UNC80: variants seen among roughly 807,000 people sequenced by gnomAD.
The protein encoded by UNC80 is protein unc-80 homolog.
Under a neutral mutation model 384.6 loss-of-function variants are expected in UNC80, and 164 were observed. That is an observed-to-expected ratio of 0.43 (90% CI 0.38 to 0.49). UNC80 has a LOEUF of 0.49. UNC80 is among the 20% of genes least tolerant of loss of function. The probability of loss-of-function intolerance (pLI) is 0.00; values close to 1 mark genes in which losing one functional copy is unlikely to be tolerated. For missense variants in UNC80, 3,330 were observed against 4,143.0 expected (o/e 0.80, Z 5.39); for synonymous variants, 1,486 against 1,527.8 (o/e 0.97, Z 0.64).
chr2:209,989,400 T>G lies in UNC80; in HGVS notation c.9315-2766T>G, dbSNP rs185056053. ...GAAGTTGTCCCACTACTCTGACATATCTCGACATATAGTCTCAACTTTTCA... is the reference window on the plus strand; with the variant it reads ...GAAGTTGTCCCACTACTCTGACATAGCTCGACATATAGTCTCAACTTTTCA... On this transcript the variant is annotated intron_variant, in intron 61 of 64. Coordinates refer to ENST00000673920, the MANE Select transcript of UNC80 (RefSeq NM_001371986.1). 9.2e-5 allele frequency among the ~76,000 whole-genome samples: 14 copies of G among 152,212 alleles called. No homozygotes were observed. The East Asian group carries it at 2.7e-3, about 29-fold the overall frequency.
In UNC80 at chr2:209,993,407, A is replaced by G; in HGVS notation, c.9489A>G (p.Gln3163=). Residue 3163 remains glutamine (Q), a synonymous_variant, in exon 63 of 65, where the codon CAA becomes CAG. Coordinates refer to ENST00000673920, the MANE Select transcript of UNC80 (RefSeq NM_001371986.1). ...TGTCAACCACTCGCAGGAGCATTCAACCTAAAACGAAGCCGTCTGGTGAGG... is the reference window on the plus strand; with the variant it reads ...TGTCAACCACTCGCAGGAGCATTCAGCCTAAAACGAAGCCGTCTGGTGAGG... ...ARLSTTRRSI[Q]PKTKPSADQK... 1.3e-6 allele frequency: 2 copies of G among 1,551,620 alleles called. No homozygotes were observed. The highest frequency in any genetic ancestry group is 1.7e-6 in the Non-Finnish European group (2 of 1,146,940).
chr2:209,930,920 A>G lies in UNC80; in HGVS notation c.5908-48A>G, dbSNP rs1159250249. The G allele has an allele frequency of 5.3e-6, 7 of 1,330,390 alleles. No individual in the cohort carries two copies. In the African/African-American group the frequency reaches 5.9e-5, roughly 11 times the overall value. 82.4% of individuals were successfully genotyped at this position (1,330,390 alleles called of 1,614,324 possible). The stretch of plus-strand genomic sequence containing the variant: ...TTTCAAGAAGTTAATTTTATTTTCT[A>G]CAGCATGGCAGCTGAAGGAAACATT... On this transcript the variant is annotated intron_variant, in intron 37 of 64. Transcript: ENST00000673920.
At chr2:209,847,815 C>T (rs2082270355) in intron 21 of UNC80, among the ~76,000 whole-genome samples, 1 of 151,962 alleles carries the variant, frequency 6.6e-6, no homozygotes, top group African/African-American at 2.4e-5. Flanking sequence ...GATCATCTAT[C>T]TGGTCTTATA....
chr2:209,932,544 G>C (rs934976918), intron 38 of UNC80, among the ~76,000 whole-genome samples: 1 of 152,172 alleles, frequency 6.6e-6, no homozygotes, highest in South Asian at 2.1e-4. Flanking sequence ...TAGGAGAAAT[G>C]CTTGCCCAGA....
intron 22 of UNC80, among the ~76,000 whole-genome samples, chr2:209,861,004 G>A (rs998409443): frequency 1.3e-5 from 2 of 152,176 alleles, no homozygotes; most frequent in African/African-American, 4.8e-5. Context: ...ACAATGACAA[G>A]CTGACTTCCT....
chr2:209,860,387 A>T (rs2083263944), intron 22 of UNC80, among the ~76,000 whole-genome samples: 1 of 152,148 alleles, frequency 6.6e-6, no homozygotes, highest in African/African-American at 2.4e-5. Context: ...CCATTGGTCT[A>T]TAAGTCTGTT....
intron 61 of UNC80, among the ~76,000 whole-genome samples, chr2:209,987,967 A>T (rs1310604524): frequency 6.6e-6 from 1 of 152,208 alleles, no homozygotes; most frequent in Non-Finnish European, 1.5e-5. Context: ...CCATTGCTAA[A>T]TCAATTCTCA....
intron 10 of UNC80, 146 bp from the exon 11 acceptor site, chr2:209,817,666 A>G: frequency 1.1e-6 from 1 of 946,886 alleles, no homozygotes; most frequent in South Asian, 1.8e-5. Context: ...CCCCATGGCA[A>G]GTTCAGTTCT....
chr2:209,801,451 C>T (rs1168227929), intron 7 of UNC80, among the ~76,000 whole-genome samples: 2 of 138,986 alleles, frequency 1.4e-5, no homozygotes, highest in Admixed American at 7.9e-5. Flanking sequence ...GGCACAATCT[C>T]GGCTCACTGC....
At chr2:209,942,409 G>C (rs1171262757) in intron 44 of UNC80, among the ~76,000 whole-genome samples, 1 of 152,164 alleles carries the variant, frequency 6.6e-6, no homozygotes, top group Non-Finnish European at 1.5e-5. Flanking sequence ...TAACTGAATA[G>C]AGATTTTCAT....
intron 63 of UNC80, 96 bp from the exon 64 acceptor site, chr2:209,993,969 A>T: frequency 6.4e-6 from 7 of 1,095,732 alleles, no homozygotes; most frequent in Non-Finnish European, 8.8e-6. Flanking sequence ...TATTTTAAAA[A>T]ATCCCCAGGA....
intron 42 of UNC80, 102 bp from the exon 43 acceptor site, chr2:209,939,370 C>A: frequency 8.1e-7 from 1 of 1,227,684 alleles, no homozygotes; most frequent in Non-Finnish European, 1.1e-6. Flanking sequence ...CCGACTTTAT[C>A]AACCCAGTTT....
chr2:209,783,298 T>C (rs2077247676), intron 4 of UNC80, among the ~76,000 whole-genome samples: 1 of 152,142 alleles, frequency 6.6e-6, no homozygotes, highest in South Asian at 2.1e-4. Context: ...GAGTTTCTGC[T>C]TGTGTATGTA....
intron 2 of UNC80, among the ~76,000 whole-genome samples, chr2:209,773,377 A>G (rs2076689651): frequency 6.6e-6 from 1 of 152,260 alleles, no homozygotes; most frequent in African/African-American, 2.4e-5. Context: ...AAGTAAATAC[A>G]TAGTAAGCCA....
intron 30 of UNC80, among the ~76,000 whole-genome samples, chr2:209,912,942 T>C (rs889349983): frequency 2.0e-5 from 3 of 152,224 alleles, no homozygotes; most frequent in Non-Finnish European, 4.4e-5. Flanking sequence ...ACTTCCCACA[T>C]GTGTGTAACA....
At chr2:209,772,659 C>G (rs968386298) in intron 1 of UNC80, among the ~76,000 whole-genome samples, 1 of 152,070 alleles carries the variant, frequency 6.6e-6, no homozygotes, top group Non-Finnish European at 1.5e-5. Flanking sequence ...CCCACAACCC[C>G]GGAAAGGCCT....
chr2:209,836,603 A>T (rs2081352306), intron 18 of UNC80, among the ~76,000 whole-genome samples: 1 of 152,154 alleles, frequency 6.6e-6, no homozygotes, highest in Non-Finnish European at 1.5e-5. Flanking sequence ...AAATATTTCC[A>T]CTTAGAGAGA....
At position 209,786,116 on chromosome 2, in the gene UNC80, C is replaced by G. The variant is rs772407405; in HGVS notation, c.651C>G (p.Pro217=). Residue 217 remains proline, a synonymous_variant, in exon 5 of 65, where the codon CCC becomes CCG. Transcript: ENST00000673920. ...CCAGTGGGCTTGTTATATGGCAGCC[C>G]ATGTGGGAACACAGACAGCCCGGAG... ...RLASGLVIWQ[P]MWEHRQPGVS... 1 of 1,614,026 alleles carries G rather than the reference C, an allele frequency of 6.2e-7. No homozygotes were observed. The highest frequency in any genetic ancestry group is 8.5e-7 in the Non-Finnish European group (1 of 1,179,980).
At chr2:209,967,932 T>C in intron 52 of UNC80, 3 of 210,122 alleles carry the variant, frequency 1.4e-5, no homozygotes, top group Non-Finnish European at 1.9e-5. Flanking sequence ...CTTTAATCCC[T>C]TTTAAAATAA....
Sources: allele counts gnomAD v4.1 joint callset (sites outside exome capture counted in the v4.1 genomes callset), GRCh38; gene constraint gnomAD v4.1.1; transcripts MANE v1.5; gene names NCBI Gene and HGNC (gene_info 2026-07-23, HGNC 2026-07-21).